MED11: variants seen among roughly 807,000 people sequenced by gnomAD.
The protein encoded by MED11 is mediator complex subunit 11.
A neutral mutation model predicts 13.9 loss-of-function variants in MED11; 19 were observed. The observed-to-expected ratio is 1.36, with a 90% CI of 0.95 to 2.00. The LOEUF is 2.00. MED11 is among the 30% of genes most tolerant of loss of function. MED11 has a pLI of 0.00. For synonymous variants in MED11, 67 were observed against 62.1 expected (o/e 1.08, Z -0.37); for missense variants, 134 against 150.2 (o/e 0.89, Z 0.56).
Position 4,733,145 on chromosome 17 carries a change from C to T in MED11, c.312C>T (p.Leu104=), listed in dbSNP as rs1471547622. ...LKRVDYARLK[L]SDVARTCEQM... The stretch of plus-strand genomic sequence containing the variant: ...GAGTGGACTATGCCCGCCTCAAGCT[C>T]AGTGATGTGGCTCGAACCTGTGAGC... The change falls in exon 3 of 3, where the codon CTC becomes CTT. Residue 104 remains leucine (L), a synonymous_variant. Transcript: ENST00000293777. 1.2e-6 allele frequency: 2 copies of T among 1,614,134 alleles called. No individual in the cohort carries two copies. Among genetic ancestry groups the T allele is most frequent in the East Asian group, 2.2e-5 (1 of 44,884 alleles).
In MED11 at chr17:4,733,551, G is replaced by A. The variant is rs895108847; in HGVS notation, c.*364G>A. ...TTCTTCATTCGGAGAGACAAAACAAGAACTAGAGTTTTAATGATAATAAAA... is the reference window on the plus strand; with the variant it reads ...TTCTTCATTCGGAGAGACAAAACAAAAACTAGAGTTTTAATGATAATAAAA... On this transcript the variant is annotated 3_prime_UTR_variant, in exon 3 of 3. Coordinates refer to ENST00000293777, the MANE Select transcript of MED11 (RefSeq NM_001001683.4). The A allele has an allele frequency of 5.2e-6, 1 of 190,890 alleles. No homozygotes were observed. The highest frequency in any genetic ancestry group is 1.1e-5 in the Non-Finnish European group (1 of 92,094). The allele number at this position is 190,890 out of a possible 1,614,324, so 11.8% of individuals were successfully genotyped here. A position where few individuals can be genotyped will look rare whatever the true frequency, so the allele number is the denominator to read the frequency against.
In MED11 at chr17:4,731,905, A is replaced by C. The variant is rs767848061; in HGVS notation, c.215A>C (p.Gln72Pro). The change falls in exon 2 of 3, where the codon CAG (glutamine) becomes CCG (proline). Residue 72 changes from glutamine (Q) to proline (P), a missense_variant and splice_region_variant. Transcript: ENST00000293777. ...TCAGCTCAGATCCGCTACCTCACCC[A>C]GGTCGGTGTGTCTGGGGGGTTCTGC... ...ELSAQIRYLT[Q>P]VATGQPHEGS... is the part of the protein sequence containing the mutation. 2 of 1,613,434 alleles carry C rather than the reference A, an allele frequency of 1.2e-6. No individual in the cohort carries two copies. The highest frequency in any genetic ancestry group is 1.7e-6 in the Non-Finnish European group (2 of 1,179,660).
chr17:4,731,708 G>T, intron 1 of MED11, 68 bp from the exon 2 acceptor site: 1 of 1,606,262 alleles, frequency 6.2e-7, no homozygotes, highest in East Asian at 2.2e-5. Flanking sequence ...GGGACTGAGA[G>T]GGGCTGGCCT....
In MED11 at chr17:4,731,525, C is replaced by A; in HGVS notation, c.36C>A (p.Arg12=). 1 of 1,614,146 alleles carries A rather than the reference C, an allele frequency of 6.2e-7. No individual in the cohort carries two copies. Among genetic ancestry groups the A allele is most frequent in the East Asian group, 2.2e-5 (1 of 44,882 alleles). The change falls in exon 1 of 3, where the codon CGC becomes CGA. Residue 12 remains arginine, a synonymous_variant. Transcript: ENST00000293777. Reference sequence around the variant, plus strand: ...ACAGCCTGGCGAACGAGAGACTACGCGCTCTGGAAGACATTGAACGGGAAA... The same window carrying A: ...ACAGCCTGGCGAACGAGAGACTACGAGCTCTGGAAGACATTGAACGGGAAA... ...ATYSLANERL[R]ALEDIEREIG...
Position 4,733,363 on chromosome 17 carries a change from C to A in MED11, c.*176C>A. The A allele has an allele frequency of 1.3e-6, 1 of 762,144 alleles. No individual in the cohort carries two copies. The highest frequency in any genetic ancestry group is 2.1e-6 in the Non-Finnish European group (1 of 483,704). 47.2% of individuals were successfully genotyped at this position (762,144 alleles called of 1,614,324 possible). ...AACTGAAGCCCGAGCCTGCCCACAG[C>A]TATGCTTTGGCCTCTCCAGCAGGGT... On this transcript the variant is annotated 3_prime_UTR_variant, in exon 3 of 3. Transcript: ENST00000293777.
chr17:4,732,792 C>T (rs1469554206), intron 2 of MED11: 2 of 501,980 alleles, frequency 4.0e-6, no homozygotes, highest in Non-Finnish European at 7.0e-6. Context: ...CTGAAATCGT[C>T]GCAGGGACCA....
chr17:4,732,889 C>T (rs1438002236), intron 2 of MED11, 161 bp from the exon 3 acceptor site: 8 of 764,232 alleles, frequency 1.0e-5, no homozygotes, highest in Admixed American at 2.9e-5. Flanking sequence ...TTATTGTCAC[C>T]CCCATTTTAC....
intron 2 of MED11, chr17:4,732,157 C>T: frequency 2.1e-6 from 1 of 473,706 alleles, no homozygotes; most frequent in Non-Finnish European, 3.7e-6. Context: ...GGCTCGGTGG[C>T]TCACTCCTGT....
At position 4,733,216 on chromosome 17, in the gene MED11, G is replaced by A; in HGVS notation, c.*29G>A. 11 of 1,613,412 alleles carry A rather than the reference G, an allele frequency of 6.8e-6. 1 individual carries two copies. The South Asian group carries it at 9.9e-5, about 15-fold the overall frequency. ...AGGGAGATGGACCCAGAGCTGAGAG[G>A]GAGACCATCACCTGTGCCATGGGAC... is the stretch of plus-strand genomic sequence containing the variant. On this transcript the variant is annotated 3_prime_UTR_variant, in exon 3 of 3. Coordinates refer to ENST00000293777, the MANE Select transcript of MED11 (RefSeq NM_001001683.4).
At chr17:4,731,665 A>C in intron 1 of MED11, 91 bp downstream of exon 1, 1 of 1,607,502 alleles carries the variant, frequency 6.2e-7, no homozygotes, top group Non-Finnish European at 8.5e-7. Flanking sequence ...AGGGTTGGGG[A>C]GGGAATCCTA....
intron 2 of MED11, among the ~76,000 whole-genome samples, chr17:4,732,609 A>T (rs1329606338): frequency 6.6e-6 from 1 of 152,072 alleles, no homozygotes; most frequent in Non-Finnish European, 1.5e-5. Flanking sequence ...ATAAAATGAA[A>T]GAATTAAAGG....
At chr17:4,732,913 A>C (rs540544527) in intron 2 of MED11, 137 bp from the exon 3 acceptor site, 76 of 973,252 alleles carry the variant, frequency 7.8e-5, no homozygotes, top group Non-Finnish European at 8.3e-5. Context: ...CAAGATTAAC[A>C]TAAGTTAAAT....
chr17:4,731,659 T>C (rs1313735616), intron 1 of MED11, 85 bp downstream of exon 1: 4 of 1,607,536 alleles, frequency 2.5e-6, no homozygotes, highest in Non-Finnish European at 3.4e-6. Flanking sequence ...TGGAGCAGGG[T>C]TGGGGAGGGA....
At chr17:4,732,569 C>CA (rs1916018089) in intron 2 of MED11, 1 of 163,570 alleles carries the variant, frequency 6.1e-6, no homozygotes, top group Non-Finnish European at 1.3e-5. Flanking sequence ...GGTAACAGAG[C>CA]AAAAACTCTG....
In MED11 at chr17:4,733,246, C is replaced by T. The variant is rs1916044220; in HGVS notation, c.*59C>T. On this transcript the variant is annotated 3_prime_UTR_variant, in exon 3 of 3. Transcript: ENST00000293777. The stretch of plus-strand genomic sequence containing the variant: ...CCATCACCTGTGCCATGGGACAGAA[C>T]CTGGGAACATGTAGGGTGGGGAGTA... 6 of 1,602,312 alleles carry T rather than the reference C, an allele frequency of 3.7e-6. No individual in the cohort carries two copies. The highest frequency in any genetic ancestry group is 1.1e-5 in the South Asian group (1 of 89,750).
chr17:4,732,671 G>A (rs1916021372), intron 2 of MED11, among the ~76,000 whole-genome samples: 1 of 152,144 alleles, frequency 6.6e-6, no homozygotes, highest in South Asian at 2.1e-4. Flanking sequence ...CAGAAGATGT[G>A]TAAATAATGC....
In MED11 at chr17:4,731,432, C is replaced by A; in HGVS notation, c.-58C>A. ...CGCAGGCGCACACCGAGAGCCACTT[C>A]CGGAACAAGCGTCGCGTTTCTGAGG... On this transcript the variant is annotated 5_prime_UTR_variant, in exon 1 of 3. Coordinates refer to ENST00000293777, the MANE Select transcript of MED11 (RefSeq NM_001001683.4). 1 of 1,572,816 alleles carries A rather than the reference C, an allele frequency of 6.4e-7. No homozygotes were observed. The highest frequency in any genetic ancestry group is 8.7e-7 in the Non-Finnish European group (1 of 1,145,038).
rs945371099 is a variant in MED11 at position 4,732,969 on chromosome 17, G to C, written c.217-81G>C. On this transcript the variant is annotated intron_variant, in intron 2 of 2. Coordinates refer to ENST00000293777, the MANE Select transcript of MED11 (RefSeq NM_001001683.4). ...AGATGGCCTAACAAATTCAAACTCA[G>C]GGAAGAAATGAGACGAGACCTGATG... is the stretch of plus-strand genomic sequence containing the variant. 6 of 1,509,264 alleles carry C rather than the reference G, an allele frequency of 4.0e-6. No homozygotes were observed. In the East Asian group the frequency reaches 1.4e-4, roughly 35 times the overall value. 93.5% of individuals were successfully genotyped at this position (1,509,264 alleles called of 1,614,324 possible).
intron 2 of MED11, 56 bp from the exon 3 acceptor site, chr17:4,732,994 G>C (rs752497275): frequency 1.3e-6 from 2 of 1,580,496 alleles, no homozygotes; most frequent in Admixed American, 3.5e-5. Flanking sequence ...GAGACCTGAT[G>C]CCTGGTTGGA....
Sources: gnomAD v4.1 joint callset for allele counts (sites outside exome capture counted in the v4.1 genomes callset) on GRCh38, gnomAD v4.1.1 for gene constraint, MANE v1.5 for transcripts, NCBI Gene and HGNC (gene_info 2026-07-23, HGNC 2026-07-21) for gene names.